The following CLK2 variants were observed in gnomAD, a reference collection of about 807,000 sequenced individuals.
The protein encoded by CLK2 is CDC like kinase 2.
A neutral mutation model predicts 73.5 loss-of-function variants in CLK2; 12 were observed. That is an observed-to-expected ratio of 0.16 (90% CI 0.10 to 0.26). CLK2 has a LOEUF of 0.26. Among genes scored for constraint, CLK2 ranks in the 10% least tolerant of loss-of-function variants. The pLI is 1.00. For missense variants in CLK2, 509 were observed against 688.4 expected (o/e 0.74, Z 2.92); for synonymous variants, 232 against 237.9 (o/e 0.98, Z 0.23).
At chr1:155,271,791 G>A (rs1673521544) in intron 1 of CLK2, among the ~76,000 whole-genome samples, 2 of 152,122 alleles carry the variant, frequency 1.3e-5, no homozygotes, top group South Asian at 2.1e-4. Flanking sequence ...GTGTCCTGAG[G>A]GTAGGAATCC....
intron 1 of CLK2, among the ~76,000 whole-genome samples, chr1:155,271,188 C>T (rs1673487925): frequency 6.6e-6 from 1 of 152,108 alleles, no homozygotes; most frequent in Non-Finnish European, 1.5e-5. Flanking sequence ...TCTAGAAAGC[C>T]CCCAAACCCA....
chr1:155,272,687 A>G (rs574997947), intron 1 of CLK2, among the ~76,000 whole-genome samples: 3 of 152,180 alleles, frequency 2.0e-5, no homozygotes, highest in Non-Finnish European at 4.4e-5. Context: ...TTCCCAGCAT[A>G]GTTATCCTAA....
rs757293960 is a variant in CLK2, at chr1:155,263,960, T to C, written c.1307A>G (p.Lys436Arg). 2 of 1,614,110 alleles carry C rather than the reference T, an allele frequency of 1.2e-6. No individual in the cohort carries two copies. The highest frequency in any genetic ancestry group is 1.1e-5 in the South Asian group (1 of 91,078). The change falls in exon 12 of 13, where the codon AAA (lysine) becomes AGA (arginine). Residue 436 changes from lysine to arginine, a missense_variant. Physicochemically the swap from Lys to Arg is conservative, Grantham distance 26. This residue lies in a region of CLK2 where 134 missense variants were observed against 146.0 expected (regional missense o/e 0.92). Coordinates refer to ENST00000368361, the MANE Select transcript of CLK2 (RefSeq NM_001294338.2). ...CCGAGCCCAGCTCACCCGCAGCGGT[T>C]TGCAGTTCTCACGAACATAGCGCCC... ...SAGRYVRENC[K>R]PLRRYLTSEA... is the part of the protein sequence containing the mutation.
Position 155,268,563 on chromosome 1 carries a change from G to T in CLK2, c.487+145C>A. On this transcript the variant is annotated intron_variant, in intron 4 of 12. Coordinates refer to ENST00000368361, the MANE Select transcript of CLK2 (RefSeq NM_001294338.2). This position sits in a 1 kb window ranked among gnomAD's most constrained non-coding sequence, Gnocchi z 5.6. ...GTGAGAGCTGGGAGTGGACAACAGA[G>T]GTCAATTCTCAACAGCAACTCAAAC... 1 of 843,180 alleles carries T rather than the reference G, an allele frequency of 1.2e-6. No individual in the cohort carries two copies. Among genetic ancestry groups the T allele is most frequent in the Non-Finnish European group, 2.0e-6 (1 of 501,444 alleles). The allele number at this position is 843,180 out of a possible 1,614,324, so 52.2% of individuals were successfully genotyped here. A position where few individuals can be genotyped will look rare whatever the true frequency, so the allele number is the denominator to read the frequency against.
intron 2 of CLK2, 35 bp downstream of exon 2, chr1:155,270,773 A>T: frequency 6.3e-7 from 1 of 1,586,178 alleles, no homozygotes; most frequent in Non-Finnish European, 8.6e-7. Context: ...TGAGCGAGTG[A>T]CCCTGTGTTT....
At position 155,264,798 on chromosome 1, in the gene CLK2, T is replaced by C. The variant is rs192160292; in HGVS notation, c.934-24A>G. ...TTCTAGGAGCAGAGGAGAAAGAGGATGAACCTCTGCACCCAGACTGAGATT... is the reference window on the plus strand; with the variant it reads ...TTCTAGGAGCAGAGGAGAAAGAGGACGAACCTCTGCACCCAGACTGAGATT... On this transcript the variant is annotated intron_variant, in intron 8 of 12. Transcript: ENST00000368361. The C allele has an allele frequency of 2.0e-5, 32 of 1,612,696 alleles. No homozygotes were observed. The East Asian group carries it at 7.1e-4, about 36-fold the overall frequency.
At chr1:155,270,514 A>G (rs1673444104) in intron 2 of CLK2, among the ~76,000 whole-genome samples, 1 of 152,082 alleles carries the variant, frequency 6.6e-6, no homozygotes, top group East Asian at 1.9e-4. Flanking sequence ...CACTTCCCCC[A>G]CCTGACTCTA....
intron 12 of CLK2, chr1:155,263,693 T>C: frequency 5.1e-6 from 5 of 985,452 alleles, no homozygotes; most frequent in Non-Finnish European, 6.0e-6. Flanking sequence ...AGGTAGTTTA[T>C]TCTTTTCTGT....
In CLK2 at chr1:155,264,679, G is replaced by A. The variant is rs765257771; in HGVS notation, c.1029C>T (p.Ser343=). The A allele has an allele frequency of 6.2e-7, 1 of 1,614,220 alleles. No individual in the cohort carries two copies. The highest frequency in any genetic ancestry group is 2.2e-5 in the East Asian group (1 of 44,890). ...FDHEHHSTIV[S]TRHYRAPEVI... ...CTTCTGGTGCTCGGTAATGGCGAGT[G>A]GAGACAATGGTGCTATGGTGCTCAT... Residue 343 remains serine (S), a synonymous_variant, in exon 9 of 13, where the codon TCC becomes TCT. Transcript: ENST00000368361.
At position 155,268,868 on chromosome 1, in the gene CLK2, T is replaced by C. The variant is rs1572018741; in HGVS notation, c.400-73A>G. 2.5e-6 allele frequency: 2 copies of C among 802,676 alleles called. No individual in the cohort carries two copies. Among genetic ancestry groups the C allele is most frequent in the Non-Finnish European group, 4.1e-6 (2 of 492,784 alleles). The allele number at this position is 802,676 out of a possible 1,614,324, so 49.7% of individuals were successfully genotyped here. On this transcript the variant is annotated intron_variant, in intron 3 of 12. Coordinates refer to ENST00000368361, the MANE Select transcript of CLK2 (RefSeq NM_001294338.2). The surrounding 1 kb of genome is among the most constrained non-coding windows in gnomAD (Gnocchi z 5.6). ...GGCCGGAGGGAGGCGGGGTGGGTGG[T>C]AGAGGGGTCACCGGTCACAGGCGCC...
chr1:155,271,087 TCTTTTTA>T, intron 1 of CLK2, 110 bp from the exon 2 acceptor site: 1 of 1,134,072 alleles, frequency 8.8e-7, no homozygotes, highest in Non-Finnish European at 1.3e-6. Flanking sequence ...TATTTCTGCC[TCTTTTTA>T]CCAGGCACAA....
At chr1:155,265,797 C>T in intron 8 of CLK2, 63 bp downstream of exon 8, 2 of 1,089,748 alleles carry the variant, frequency 1.8e-6, no homozygotes, top group Non-Finnish European at 1.4e-6. Flanking sequence ...AAGGGCTCGG[C>T]AGAAGGCAAA....
Position 155,266,805 on chromosome 1 carries a change from G to A in CLK2, c.762C>T (p.Leu254=). The A allele has an allele frequency of 6.2e-7, 1 of 1,613,266 alleles. No homozygotes were observed. The highest frequency in any genetic ancestry group is 8.5e-7 in the Non-Finnish European group (1 of 1,179,734). ...GGTAGGGCAGGTAGTTGTTGTCTTT[G>A]AGGAAATCGAAGGTGCTAAGGCCCA... ...ELLGLSTFDF[L]KDNNYLPYPI... Residue 254 remains leucine, a synonymous_variant, in exon 7 of 13, where the codon CTC becomes CTT. Coordinates refer to ENST00000368361, the MANE Select transcript of CLK2 (RefSeq NM_001294338.2).
rs770924708 is a variant in CLK2, at chr1:155,269,698, C to T, written c.189G>A (p.Ser63=). 31 of 1,614,220 alleles carry T rather than the reference C, an allele frequency of 1.9e-5. No homozygotes were observed. In the South Asian group the frequency reaches 2.2e-4, roughly 11 times the overall value. The change falls in exon 3 of 13, where the codon TCG becomes TCA. Residue 63 remains serine, a synonymous_variant. Transcript: ENST00000368361. ...GCCGGTCATACACCCTCCGGTCGGA[C>T]GAACGATCATCATAACTGCTGTTGG... The part of the protein sequence containing the change: ...VRSRSSYDDR[S]SDRRVYDRRY...
intron 1 of CLK2, among the ~76,000 whole-genome samples, chr1:155,272,021 T>G (rs1286557919): frequency 6.6e-6 from 1 of 151,468 alleles, no homozygotes; most frequent in Non-Finnish European, 1.5e-5. Context: ...CTTGTGTTTT[T>G]TTTTTTTTTT....
Position 155,264,786 on chromosome 1 carries a change from G to A in CLK2, c.934-12C>T. ...CGCTCATCTCGCTTCTAGGAGCAGA[G>A]GAGAAAGAGGATGAACCTCTGCACC... is the stretch of plus-strand genomic sequence containing the variant. On this transcript the variant is annotated splice_polypyrimidine_tract_variant and intron_variant, in intron 8 of 12. Transcript: ENST00000368361. 1 of 1,613,748 alleles carries A rather than the reference G, an allele frequency of 6.2e-7. No individual in the cohort carries two copies. The highest frequency in any genetic ancestry group is 8.5e-7 in the Non-Finnish European group (1 of 1,179,680).
rs759306469 is a variant in CLK2 at position 155,268,777 on chromosome 1, C to G, written c.418G>C (p.Ala140Pro). ...RSSSQHSSRRAKSVEDDAEGH... is the reference protein window; with the variant it reads ...RSSSQHSSRRPKSVEDDAEGH... ...TCAGCGTCGTCCTCTACACTCTTGG[C>G]TCTCCGGCTGCTGTGCTGCTGTCGG... Residue 140 changes from alanine to proline, a missense_variant, in exon 4 of 13, where the codon GCC becomes CCC. Ala to Pro is a conservative substitution (Grantham distance 27). Around this residue, in one of 6 missense-constraint regions of CLK2, gnomAD observed 222 missense variants for 221.7 expected, o/e 1.00. Transcript: ENST00000368361. This position sits in a 1 kb window ranked among gnomAD's most constrained non-coding sequence, Gnocchi z 5.6. 1 of 1,612,902 alleles carries G rather than the reference C, an allele frequency of 6.2e-7. No homozygotes were observed. The highest frequency in any genetic ancestry group is 2.2e-5 in the East Asian group (1 of 44,834).
At position 155,268,264 on chromosome 1, in the gene CLK2, C is replaced by A; in HGVS notation, c.554+29G>T. ...TATAACCCCAACCATCTCTTTAGCC[C>A]CACATAGTAGGGAGGGACTGACAGT... On this transcript the variant is annotated intron_variant, in intron 5 of 12. Coordinates refer to ENST00000368361, the MANE Select transcript of CLK2 (RefSeq NM_001294338.2). The surrounding 1 kb of genome is among the most constrained non-coding windows in gnomAD (Gnocchi z 5.6). 1.2e-6 allele frequency: 2 copies of A among 1,610,572 alleles called. No homozygotes were observed. The highest frequency in any genetic ancestry group is 1.7e-6 in the Non-Finnish European group (2 of 1,176,732).
chr1:155,262,900 A>G lies in CLK2; in HGVS notation c.*318T>C. The G allele has an allele frequency of 3.5e-6, 1 of 285,800 alleles. No homozygotes were observed. Among genetic ancestry groups the G allele is most frequent in the Non-Finnish European group, 6.5e-6 (1 of 153,534 alleles). The allele number at this position is 285,800 out of a possible 1,614,324, so 17.7% of individuals were successfully genotyped here. A position where few individuals can be genotyped will look rare whatever the true frequency, so the allele number is the denominator to read the frequency against. On this transcript the variant is annotated 3_prime_UTR_variant, in exon 13 of 13. Transcript: ENST00000368361. ...CAAATGAAGCACGTTATTTTATTTC[A>G]CAAAGACTGTACAAAATTCCTTATA...
Sources: gnomAD v4.1 joint callset for allele counts (sites outside exome capture counted in the v4.1 genomes callset) on GRCh38, gnomAD v4.1.1 for gene constraint, gnomAD v4.1.1 regional missense constraint, Gnocchi (gnomAD v3.1) non-coding constraint, MANE v1.5 for transcripts, NCBI Gene and HGNC (gene_info 2026-07-23, HGNC 2026-07-21) for gene names.